Variants in TRAF5 observed in about 807,000 individuals in gnomAD.
The protein encoded by TRAF5 is TNF receptor-associated factor 5.
In TRAF5, 48 loss-of-function variants were observed where a neutral mutation model predicts 64.5. The observed-to-expected ratio is 0.74, with a 90% CI of 0.59 to 0.95. The LOEUF is 0.95. TRAF5 is among the 40% of genes least tolerant of loss of function. The probability of loss-of-function intolerance (pLI) is 0.00; values close to 1 mark genes in which losing one functional copy is unlikely to be tolerated. For missense variants in TRAF5, 545 were observed against 662.8 expected (o/e 0.82, Z 1.95); for synonymous variants, 206 against 240.5 (o/e 0.86, Z 1.33).
chr1:211,326,797 C>T, upstream of TRAF5: 1 of 984,250 alleles, frequency 1.0e-6, no homozygotes, highest in Non-Finnish European at 1.2e-6. The surrounding 1 kb of genome is among the most constrained non-coding windows in gnomAD (Gnocchi z 5.0). Context: ...CGCCCCAGGC[C>T]TCGCCTCCGC....
At chr1:211,354,984 C>T (rs1223704520) in intron 3 of TRAF5, among the ~76,000 whole-genome samples, 1 of 152,042 alleles carries the variant, frequency 6.6e-6, no homozygotes, top group Non-Finnish European at 1.5e-5. Flanking sequence ...ACCAGCTTGA[C>T]CAACATGGCG....
intron 5 of TRAF5, 155 bp from the exon 6 acceptor site, chr1:211,360,547 A>G: frequency 1.7e-6 from 1 of 589,478 alleles, no homozygotes; most frequent in South Asian, 2.3e-5. Context: ...ATTTACACCT[A>G]GAAAGTGGAC....
chr1:211,333,560 C>T (rs1322752139), intron 1 of TRAF5, among the ~76,000 whole-genome samples: 2 of 152,036 alleles, frequency 1.3e-5, no homozygotes, highest in Non-Finnish European at 2.9e-5. Context: ...TGCAGTGGTG[C>T]AATCTCGGGT....
chr1:211,337,014 G>A (rs535502962), intron 1 of TRAF5, among the ~76,000 whole-genome samples: 1 of 152,294 alleles, frequency 6.6e-6, no homozygotes, highest in African/African-American at 2.4e-5. Flanking sequence ...TTAAAGGCGT[G>A]AGCCGCTGCA....
At position 211,365,427 on chromosome 1, in the gene TRAF5, A is replaced by C; in HGVS notation, c.748A>C (p.Met250Leu). 1 of 1,613,996 alleles carries C rather than the reference A, an allele frequency of 6.2e-7. No homozygotes were observed. The highest frequency in any genetic ancestry group is 8.5e-7 in the Non-Finnish European group (1 of 1,179,928). The change falls in exon 8 of 11, where the codon ATG becomes CTG. Residue 250 changes from methionine (M) to leucine (L), a missense_variant. Met to Leu is a conservative substitution (Grantham distance 15, BLOSUM62 2). Transcript: ENST00000261464. ...TGAGCATTCAGCCTTACGGGAGCAC[A>C]TGCGTTTGGTTTTAGAAAAGAATGT... The part of the protein sequence containing the change: ...QHEHSALREH[M>L]RLVLEKNVQL...
intron 1 of TRAF5, among the ~76,000 whole-genome samples, chr1:211,351,928 T>C (rs932026493): frequency 6.6e-6 from 1 of 152,160 alleles, no homozygotes; most frequent in Non-Finnish European, 1.5e-5. Flanking sequence ...TCTCCTTCAA[T>C]ATTGTGTTGC....
chr1:211,346,740 C>T (rs949900363), intron 1 of TRAF5, among the ~76,000 whole-genome samples: 4 of 152,130 alleles, frequency 2.6e-5, no homozygotes, highest in Non-Finnish European at 5.9e-5. Flanking sequence ...GCTAAGCTCA[C>T]GTTGCTTCAG....
At chr1:211,327,455 T>C (rs1702050557) in intron 1 of TRAF5, among the ~76,000 whole-genome samples, 1 of 152,182 alleles carries the variant, frequency 6.6e-6, no homozygotes, top group African/African-American at 2.4e-5. Context: ...AGAAAGCAGC[T>C]ACCCCCCTCC....
At chr1:211,372,021 A>G in intron 10 of TRAF5, 107 bp from the exon 11 acceptor site, 1 of 943,376 alleles carries the variant, frequency 1.1e-6, no homozygotes, top group Non-Finnish European at 1.6e-6. Flanking sequence ...TTAGGATGGC[A>G]GGATTTTGTT....
At chr1:211,367,497 A>G (rs1703392796) in intron 8 of TRAF5, among the ~76,000 whole-genome samples, 1 of 152,254 alleles carries the variant, frequency 6.6e-6, no homozygotes, top group Admixed American at 6.5e-5. Context: ...CTTCAATAGT[A>G]GGTGGAAGCA....
intron 1 of TRAF5, among the ~76,000 whole-genome samples, chr1:211,348,318 CTTA>C (rs1348764698): frequency 6.6e-6 from 1 of 152,056 alleles, no homozygotes; most frequent in Admixed American, 6.6e-5. Context: ...ATATAATTGG[CTTA>C]TTATCTTGAA....
At chr1:211,329,257 G>T (rs902923619) in intron 1 of TRAF5, among the ~76,000 whole-genome samples, 9 of 152,220 alleles carry the variant, frequency 5.9e-5, no homozygotes, top group Non-Finnish European at 1.0e-4. Flanking sequence ...TTGCTGAATC[G>T]AATTGAATTC....
At chr1:211,362,882 G>C (rs1040785969) in intron 7 of TRAF5, among the ~76,000 whole-genome samples, 3 of 151,878 alleles carry the variant, frequency 2.0e-5, no homozygotes, top group Non-Finnish European at 4.4e-5. Context: ...AAAAGGGGGG[G>C]GCTATTTTCC....
At chr1:211,361,690 G>A (rs906889840) in intron 7 of TRAF5, among the ~76,000 whole-genome samples, 1 of 129,558 alleles carries the variant, frequency 7.7e-6, no homozygotes, top group Admixed American at 9.6e-5. Flanking sequence ...ATAATTATTC[G>A]GGTTTTTTTT....
chr1:211,346,377 G>A (rs767739654), intron 1 of TRAF5: 42 of 985,350 alleles, frequency 4.3e-5, no homozygotes, highest in Non-Finnish European at 4.9e-5. Flanking sequence ...GCAGGGATGT[G>A]CAGATGAGTG....
At chr1:211,365,500 G>A (rs752778935) in intron 8 of TRAF5, 32 bp downstream of exon 8, 8 of 1,566,546 alleles carry the variant, frequency 5.1e-6, no homozygotes, top group Non-Finnish European at 7.0e-6. Context: ...TAAAAAGTGA[G>A]GCAACAGAAT....
chr1:211,360,750 A>G lies in TRAF5; in HGVS notation c.592A>G (p.Asn198Asp). 1 of 1,614,030 alleles carries G rather than the reference A, an allele frequency of 6.2e-7. No homozygotes were observed. The highest frequency in any genetic ancestry group is 8.5e-7 in the Non-Finnish European group (1 of 1,179,938). ...TGAATACCCAGTATTTTGTCCCAAC[A>G]ATTGTGCGAAGATTATTCTAAAAAC... ...CPEYPVFCPN[N>D]CAKIILKTEV... Residue 198 changes from asparagine to aspartate, a missense_variant, in exon 6 of 11, where the codon AAT (asparagine) becomes GAT (aspartate). Coordinates refer to ENST00000261464, the MANE Select transcript of TRAF5 (RefSeq NM_001033910.3).
intron 4 of TRAF5, chr1:211,359,398 ATCT>A (rs903014333): frequency 1.3e-5 from 2 of 151,960 alleles, no homozygotes; most frequent in African/African-American, 4.8e-5. Flanking sequence ...CCTTCTTTTC[ATCT>A]TCTTAATCCT....
chr1:211,359,061 C>G (rs12409612), intron 4 of TRAF5: 1 of 151,998 alleles, frequency 6.6e-6, no homozygotes, highest in Non-Finnish European at 1.5e-5. Context: ...ATCCTCCCAC[C>G]TCAGCCTCCT....
Sources: allele counts gnomAD v4.1 joint callset (sites outside exome capture counted in the v4.1 genomes callset), GRCh38; gene constraint gnomAD v4.1.1; non-coding constraint Gnocchi (gnomAD v3.1); transcripts MANE v1.5; gene names NCBI Gene and HGNC (gene_info 2026-07-23, HGNC 2026-07-21).